The following LRRC7 variants were observed in gnomAD, a reference collection of about 807,000 sequenced individuals.
The protein encoded by LRRC7 is leucine-rich repeat-containing protein 7.
In LRRC7, 23 loss-of-function variants were observed where a neutral mutation model predicts 175.7. That is an observed-to-expected ratio of 0.13 (90% CI 0.09 to 0.19). LRRC7 has a LOEUF of 0.19. Ranked by LOEUF, LRRC7 falls within the 10% of genes least tolerant of loss-of-function variation. The pLI is 1.00. For missense variants in LRRC7, 1,354 were observed against 1,904.7 expected, an observed-to-expected ratio of 0.71 and a Z score of 5.38; for synonymous variants, 685 against 680.9, an observed-to-expected ratio of 1.01 and a Z score of -0.09.
chr1:69,975,492 G>A (rs532666291), intron 8 of LRRC7, among the ~76,000 whole-genome samples: 3 of 152,054 alleles, frequency 2.0e-5, no homozygotes, highest in South Asian at 2.1e-4. Context: ...GAAACCTGAC[G>A]TCTTTTGTTT....
chr1:69,928,922 C>T (rs1052174688), intron 7 of LRRC7, among the ~76,000 whole-genome samples: 1 of 152,360 alleles, frequency 6.6e-6, no homozygotes, highest in African/African-American at 2.4e-5. Flanking sequence ...GAGCTGTAGA[C>T]CGGAGCTGTT....
At chr1:69,907,284 T>C (rs575071353) in intron 7 of LRRC7, among the ~76,000 whole-genome samples, 35 of 152,200 alleles carry the variant, frequency 2.3e-4, no homozygotes, top group Non-Finnish European at 3.7e-4. Context: ...CTGGCCAGAA[T>C]TTCCAACACT....
intron 7 of LRRC7, among the ~76,000 whole-genome samples, chr1:69,929,100 C>T (rs1647187023): frequency 6.6e-6 from 1 of 152,098 alleles, no homozygotes; most frequent in African/African-American, 2.4e-5. Flanking sequence ...ACATTCATGC[C>T]CTTGGTGATC....
intron 8 of LRRC7, among the ~76,000 whole-genome samples, chr1:69,942,123 G>A (rs1648785674): frequency 1.3e-5 from 2 of 152,042 alleles, no homozygotes; most frequent in Non-Finnish European, 2.9e-5. Context: ...AGGTGAGTGG[G>A]CACAGTGGGC....
chr1:70,041,914 C>G (rs542669971), intron 21 of LRRC7, among the ~76,000 whole-genome samples: 1 of 152,260 alleles, frequency 6.6e-6, no homozygotes, highest in South Asian at 2.1e-4. Flanking sequence ...TTTGGAGGCC[C>G]TGCCTATCCC....
At chr1:69,845,988 A>G (rs1379399147) in intron 7 of LRRC7, among the ~76,000 whole-genome samples, 4 of 152,250 alleles carry the variant, frequency 2.6e-5, no homozygotes, top group Non-Finnish European at 5.9e-5. Context: ...TGACAAGCTA[A>G]CTAACCAAGG....
At chr1:69,693,737 A>C (rs1662202608) in intron 2 of LRRC7, among the ~76,000 whole-genome samples, 1 of 152,206 alleles carries the variant, frequency 6.6e-6, no homozygotes, top group African/African-American at 2.4e-5. Context: ...AATTAGCATC[A>C]CAAGTGTCTT....
intron 2 of LRRC7, among the ~76,000 whole-genome samples, chr1:69,739,090 A>T (rs1392706053): frequency 6.6e-6 from 1 of 152,112 alleles, no homozygotes; most frequent in Non-Finnish European, 1.5e-5. Context: ...TCACTATGGT[A>T]ACCAGAGGTA....
intron 2 of LRRC7, among the ~76,000 whole-genome samples, chr1:69,731,015 A>G (rs1667515653): frequency 6.6e-6 from 1 of 151,990 alleles, no homozygotes; most frequent in South Asian, 2.1e-4. Context: ...AAACCATGAG[A>G]TCTCGGCCGG....
chr1:69,823,751 A>G (rs1166425294), intron 4 of LRRC7, among the ~76,000 whole-genome samples: 1 of 152,078 alleles, frequency 6.6e-6, no homozygotes, highest in East Asian at 1.9e-4. Context: ...TTTTATTTCT[A>G]ATAATTATAG....
At chr1:69,580,319 A>G (rs1646143406) in intron 1 of LRRC7, among the ~76,000 whole-genome samples, 1 of 152,162 alleles carries the variant, frequency 6.6e-6, no homozygotes, top group South Asian at 2.1e-4. Context: ...ACATTTTATG[A>G]CTGGTTAAAA....
chr1:69,976,690 T>C (rs2101879789), intron 8 of LRRC7, among the ~76,000 whole-genome samples: 1 of 152,248 alleles, frequency 6.6e-6, no homozygotes, highest in East Asian at 1.9e-4. Context: ...CTAACACAAC[T>C]CTATTCATTG....
At chr1:69,887,648 C>G (rs1448503165) in intron 7 of LRRC7, among the ~76,000 whole-genome samples, 2 of 152,136 alleles carry the variant, frequency 1.3e-5, no homozygotes, top group East Asian at 3.9e-4. Flanking sequence ...CAGCTTTGTT[C>G]CGTTGCTGGT....
At chr1:69,838,449 G>A (rs971046605) in intron 7 of LRRC7, 166 bp downstream of exon 7, 4 of 575,606 alleles carry the variant, frequency 6.9e-6, no homozygotes, top group African/African-American at 1.9e-5. Context: ...CATATTACAT[G>A]AGAATGTATT....
At chr1:69,714,420 A>G (rs765586085) in intron 2 of LRRC7, among the ~76,000 whole-genome samples, 10 of 152,216 alleles carry the variant, frequency 6.6e-5, no homozygotes, top group African/African-American at 9.7e-5. Context: ...ATTTGATGTG[A>G]TGAAACATAA....
At chr1:69,916,308 T>C (rs936348380) in intron 7 of LRRC7, among the ~76,000 whole-genome samples, 2 of 139,058 alleles carry the variant, frequency 1.4e-5, no homozygotes, top group African/African-American at 5.3e-5. Flanking sequence ...TAAAACTATA[T>C]ATATATATAG....
chr1:69,882,627 ATTATAC>A (rs940556447), intron 7 of LRRC7, among the ~76,000 whole-genome samples: 1 of 147,932 alleles, frequency 6.8e-6, no homozygotes, highest in African/African-American at 2.5e-5. Flanking sequence ...TTTTTTTTTA[ATTATAC>A]TTTATGTTTT....
intron 8 of LRRC7, among the ~76,000 whole-genome samples, chr1:69,943,447 C>T (rs1356039538): frequency 6.6e-6 from 1 of 151,700 alleles, no homozygotes; most frequent in African/African-American, 2.4e-5. Flanking sequence ...TTTCCAGGGT[C>T]CAGAGGGAGA....
chr1:69,892,371 G>T (rs2101646745), intron 7 of LRRC7, among the ~76,000 whole-genome samples: 1 of 152,274 alleles, frequency 6.6e-6, no homozygotes, highest in South Asian at 2.1e-4. Flanking sequence ...ACCTATGTGA[G>T]TAGCAAGGAC....
Sources: allele counts gnomAD v4.1 joint callset (sites outside exome capture counted in the v4.1 genomes callset), GRCh38; gene constraint gnomAD v4.1.1; transcripts MANE v1.5; gene names NCBI Gene and HGNC (gene_info 2026-07-23, HGNC 2026-07-21).